The following RBPJ variants were observed in gnomAD, a reference collection of about 807,000 sequenced individuals.
RBPJ encodes the protein recombining binding protein suppressor of hairless.
Under a neutral mutation model 67.8 loss-of-function variants are expected in RBPJ, and 9 were observed. The observed-to-expected ratio is 0.13, with a 90% CI of 0.08 to 0.23. The LOEUF (loss-of-function observed/expected upper bound fraction) is 0.23. Ranked by LOEUF, RBPJ falls within the 10% of genes least tolerant of loss-of-function variation. The pLI is 1.00. For missense variants in RBPJ, 305 were observed against 595.6 expected (o/e 0.51, Z 5.08); for synonymous variants, 198 against 203.3 (o/e 0.97, Z 0.22).
chr4:26,401,307 C>T (rs533072954), intron 2 of RBPJ, among the ~76,000 whole-genome samples: 6 of 152,308 alleles, frequency 3.9e-5, no homozygotes, highest in African/African-American at 1.4e-4. Flanking sequence ...TAATCACTAA[C>T]GGTATGATTT....
At chr4:26,220,831 C>T (rs1577487367) in intron 1 of RBPJ, among the ~76,000 whole-genome samples, 1 of 152,320 alleles carries the variant, frequency 6.6e-6, no homozygotes, top group East Asian at 1.9e-4. Context: ...CCAGGAGCTG[C>T]GCTCCCCTGG....
At chr4:26,182,298 C>T (rs140399530) in intron 1 of RBPJ, among the ~76,000 whole-genome samples, 2,945 of 151,774 alleles carry the variant, frequency 0.019, 110 homozygotes, top group African/African-American at 0.068. Context: ...GCCGAGATCG[C>T]GCCACTGCAC....
intron 1 of RBPJ, among the ~76,000 whole-genome samples, chr4:26,182,779 G>A (rs1218420531): frequency 2.0e-5 from 3 of 152,094 alleles, no homozygotes; most frequent in Non-Finnish European, 4.4e-5. Context: ...GATTACCGGT[G>A]TGAGCCACCA....
Position 26,404,171 on chromosome 4 carries a change from T to C in RBPJ, c.60-2004T>C, listed in dbSNP as rs575217511. ...ATATGCTTGTTGGCCACTTTTCATATGCTTGTTGGAACACTTTTGAAAAGT... is the reference window on the plus strand; with the variant it reads ...ATATGCTTGTTGGCCACTTTTCATACGCTTGTTGGAACACTTTTGAAAAGT... On this transcript the variant is annotated intron_variant, in intron 2 of 10. Transcript: ENST00000355476. Among the ~76,000 whole-genome samples the C allele has an allele frequency of 3.9e-5, 6 of 152,278 alleles. No individual in the cohort carries two copies. In the South Asian group the frequency reaches 1.0e-3, roughly 26 times the overall value.
intron 1 of RBPJ, among the ~76,000 whole-genome samples, chr4:26,331,501 C>T (rs910403265): frequency 6.6e-6 from 1 of 152,024 alleles, no homozygotes; most frequent in Non-Finnish European, 1.5e-5. Context: ...TAGAGCAAGA[C>T]TGTAAATCCC....
chr4:26,278,976 C>G (rs964750830), intron 1 of RBPJ, among the ~76,000 whole-genome samples: 1 of 152,090 alleles, frequency 6.6e-6, no homozygotes, highest in African/African-American at 2.4e-5. Flanking sequence ...TGGTTGTGCT[C>G]CTGTATGATC....
chr4:26,301,391 G>A (rs1490122589), intron 1 of RBPJ, among the ~76,000 whole-genome samples: 1 of 152,102 alleles, frequency 6.6e-6, no homozygotes, highest in Non-Finnish European at 1.5e-5. Flanking sequence ...AGGAGATCGA[G>A]ACCATCTTGG....
In RBPJ at chr4:26,430,199, G is replaced by GAA; in HGVS notation, c.1044+154_1044+155dup. 22 of 988,946 alleles carry GAA rather than the reference G, an allele frequency of 2.2e-5. No individual in the cohort carries two copies. Among genetic ancestry groups the GAA allele is most frequent in the African/African-American group, 8.4e-5 (5 of 59,614 alleles). The allele number at this position is 988,946 out of a possible 1,614,324, so 61.3% of individuals were successfully genotyped here. On this transcript the variant is annotated intron_variant, in intron 9 of 10. Coordinates refer to ENST00000355476, the MANE Select transcript of RBPJ (RefSeq NM_015874.6). This position sits in a 1 kb window ranked among gnomAD's most constrained non-coding sequence, Gnocchi z 4.1. ...TATATACACCATTTGTTGATTTAAA[G>GAA]AAAAAAAAACAAAATTAGGAGGAGC...
At chr4:26,352,784 T>C (rs780343722) in intron 1 of RBPJ, among the ~76,000 whole-genome samples, 1 of 152,236 alleles carries the variant, frequency 6.6e-6, no homozygotes, top group African/African-American at 2.4e-5. Context: ...TACTGAAGGT[T>C]CATAGGGCTT....
intron 2 of RBPJ, among the ~76,000 whole-genome samples, chr4:26,403,175 A>G (rs866178055): frequency 1.3e-4 from 20 of 152,020 alleles, no homozygotes; most frequent in African/African-American, 4.6e-4. Context: ...TTGATTTTCT[A>G]TAATGGGCTT....
intron 1 of RBPJ, among the ~76,000 whole-genome samples, chr4:26,244,443 G>GTGTATATA (rs1560226634): frequency 1.3e-4 from 7 of 52,790 alleles, no homozygotes; most frequent in African/African-American, 5.3e-4. Context: ...ATACATATGT[G>GTGTATATA]TGTATACATA....
chr4:26,385,635 C>T (rs1024967005), intron 1 of RBPJ, among the ~76,000 whole-genome samples: 1 of 152,096 alleles, frequency 6.6e-6, no homozygotes, highest in Non-Finnish European at 1.5e-5. Flanking sequence ...TAAAAATAGG[C>T]AAATTAAATA....
chr4:26,215,381 G>A (rs186718762), intron 1 of RBPJ, among the ~76,000 whole-genome samples: 12,060 of 73,670 alleles, frequency 0.16, 1,332 homozygotes, highest in African/African-American at 0.39. Flanking sequence ...GAAGAAGGGA[G>A]GGAGGGAGAG....
At position 26,306,401 on chromosome 4, in the gene RBPJ, G is replaced by A. The variant is rs534777730; in HGVS notation, c.-166-56045G>A. Among the ~76,000 whole-genome samples, 6 of 151,290 alleles carry A rather than the reference G, an allele frequency of 4.0e-5. No individual in the cohort carries two copies. In the South Asian group the frequency reaches 1.2e-3, roughly 31 times the overall value. On this transcript the variant is annotated intron_variant, in intron 1 of 4. Coordinates refer to the RBPJ transcript ENST00000512351. ...AGGATTTTGTGTCAATATTATAAGA[G>A]GTATTGGTCTGTAGTTTTCTTATCA...
At chr4:26,317,777 A>G (rs1457071867), upstream of RBPJ, among the ~76,000 whole-genome samples, 2 of 152,210 alleles carry the variant, frequency 1.3e-5, no homozygotes, top group Non-Finnish European at 2.9e-5. Context: ...GGTTCTTGAC[A>G]TAAGTGGAAG....
chr4:26,419,589 C>T (rs1407141016), intron 4 of RBPJ, among the ~76,000 whole-genome samples: 1 of 152,114 alleles, frequency 6.6e-6, no homozygotes, highest in Non-Finnish European at 1.5e-5. Flanking sequence ...GTTGAAGAAA[C>T]TTGTTTAGCT....
intron 1 of RBPJ, among the ~76,000 whole-genome samples, chr4:26,364,865 T>C (rs1278605248): frequency 6.6e-6 from 1 of 151,708 alleles, no homozygotes; most frequent in African/African-American, 2.4e-5. Flanking sequence ...GATCTGCCCA[T>C]GTCGGCCTCC....
intron 1 of RBPJ, among the ~76,000 whole-genome samples, chr4:26,331,366 T>G (rs1179441851): frequency 6.6e-6 from 1 of 152,016 alleles, no homozygotes; most frequent in Non-Finnish European, 1.5e-5. Flanking sequence ...GGATTACAAG[T>G]GTGAACCCCT....
At chr4:26,422,015 A>G (rs947510596) in intron 5 of RBPJ, among the ~76,000 whole-genome samples, 2 of 151,898 alleles carry the variant, frequency 1.3e-5, no homozygotes, top group Non-Finnish European at 2.9e-5. Context: ...TTTTCCTTCT[A>G]TGTCATTTAT....
Sources: allele counts gnomAD v4.1 joint callset (sites outside exome capture counted in the v4.1 genomes callset), GRCh38; gene constraint gnomAD v4.1.1; non-coding constraint Gnocchi (gnomAD v3.1); transcripts MANE v1.5; gene names NCBI Gene and HGNC (gene_info 2026-07-23, HGNC 2026-07-21).